ZNF442: variants seen among roughly 807,000 people sequenced by gnomAD.
The protein encoded by ZNF442 is zinc finger protein 442.
A neutral mutation model predicts 57.0 loss-of-function variants in ZNF442; 45 were observed. The ratio of observed to expected loss-of-function variants is 0.79; its 90% CI spans 0.62 to 1.01. ZNF442 has a LOEUF of 1.01. Among genes scored for constraint, ZNF442 ranks in the 50% least tolerant of loss-of-function variants. The pLI is 0.00. For synonymous variants in ZNF442, 213 were observed against 241.8 expected (o/e 0.88, Z 1.10); for missense variants, 690 against 756.5 (o/e 0.91, Z 1.03).
the ZNF442 span, among the ~76,000 whole-genome samples, chr19:12,373,061 C>G: frequency 6.6e-6 from 1 of 152,144 alleles, no homozygotes; most frequent in Non-Finnish European, 1.5e-5. Flanking sequence ...TGTCAGCCAC[C>G]GCACCCAGCC....
intron 3 of ZNF442, among the ~76,000 whole-genome samples, chr19:12,356,842 C>G (rs1969339266): frequency 6.6e-6 from 1 of 152,206 alleles, no homozygotes; most frequent in Non-Finnish European, 1.5e-5. Context: ...GAGAGCTGAT[C>G]TACACCTGCT....
At chr19:12,362,253 G>A (rs185002570) in intron 3 of ZNF442, among the ~76,000 whole-genome samples, 4 of 151,322 alleles carry the variant, frequency 2.6e-5, no homozygotes, top group Admixed American at 6.6e-5. Context: ...CTTCCTGGCC[G>A]TCATCCCGTC....
chr19:12,371,724 T>C, the ZNF442 span, among the ~76,000 whole-genome samples: 1 of 152,202 alleles, frequency 6.6e-6, no homozygotes. Context: ...TAAATGGTTA[T>C]GGTTTAACTG....
upstream of ZNF442, among the ~76,000 whole-genome samples, chr19:12,368,475 C>T (rs1275992023): frequency 2.0e-5 from 3 of 152,216 alleles, no homozygotes; most frequent in African/African-American, 7.2e-5. Flanking sequence ...GTGGCTTCAG[C>T]CGGTCCCTCC....
upstream of ZNF442, among the ~76,000 whole-genome samples, chr19:12,367,952 G>GCCAC (rs746822193): frequency 5.9e-5 from 9 of 152,156 alleles, no homozygotes; most frequent in South Asian, 2.1e-4. Context: ...ACAGGCATGA[G>GCCAC]CCACCACACC....
At chr19:12,355,435 C>T (rs1432239055) in intron 3 of ZNF442, among the ~76,000 whole-genome samples, 1 of 147,938 alleles carries the variant, frequency 6.8e-6, no homozygotes, top group Non-Finnish European at 1.5e-5. Context: ...GATCTCAGCT[C>T]ACCACAACCT....
rs148124900 is a variant in ZNF442 at position 12,351,432 on chromosome 19, A to G, written c.267-114T>C. 1.4e-5 allele frequency: 13 copies of G among 935,466 alleles called. No individual in the cohort carries two copies. The East Asian group carries it at 3.4e-4, about 25-fold the overall frequency. 57.9% of individuals were successfully genotyped at this position (935,466 alleles called of 1,614,324 possible). On this transcript the variant is annotated intron_variant, in intron 5 of 5. Transcript: ENST00000242804. ...ATCATGCAACGTGTAGGCTTCATGC[A>G]CTGCTTGAACGTGAATGGACTGAAT...
upstream of ZNF442, among the ~76,000 whole-genome samples, chr19:12,367,362 A>C (rs199865748): frequency 6.6e-6 from 1 of 152,180 alleles, no homozygotes; most frequent in East Asian, 1.9e-4. Context: ...CACATGCCTC[A>C]AAGGGCAATA....
In ZNF442 at chr19:12,350,274, T is replaced by C; in HGVS notation, c.1311A>G (p.Glu437=). ...HTGEKPYECK[E]CGKAFRISSS... ...TAGAAATACGGAAGGCTTTACCACA[T>C]TCTTTACATTCATAGGGTTTCTCAC... The change falls in exon 6 of 6, where the codon GAA becomes GAG. Residue 437 remains glutamate, a synonymous_variant. Coordinates refer to ENST00000242804, the MANE Select transcript of ZNF442 (RefSeq NM_030824.3). The C allele has an allele frequency of 1.2e-6, 2 of 1,613,714 alleles. No individual in the cohort carries two copies. Among genetic ancestry groups the C allele is most frequent in the South Asian group, 1.1e-5 (1 of 91,074 alleles).
chr19:12,369,837 CA>C (rs1969566951), upstream of ZNF442, among the ~76,000 whole-genome samples: 1 of 151,678 alleles, frequency 6.6e-6, no homozygotes, highest in Non-Finnish European at 1.5e-5. Context: ...ACCCAGGAGG[CA>C]GAAGTTGCAG....
At chr19:12,370,298 A>G (rs1012463544), upstream of ZNF442, among the ~76,000 whole-genome samples, 2 of 151,890 alleles carry the variant, frequency 1.3e-5, no homozygotes, top group Non-Finnish European at 2.9e-5. Flanking sequence ...CGCAGCTCAC[A>G]ATAGGGTTCG....
chr19:12,350,676 A>C lies in ZNF442; in HGVS notation c.909T>G (p.Ser303Arg), dbSNP rs774878972. ...YKCKRCGRAFSVSSSLRIHER... is the reference protein window; with the variant it reads ...YKCKRCGRAFRVSSSLRIHER... ...CATGTATTCGAAGGGAACTGGAAAC[A>C]CTGAAGGCTCTTCCACATCGTTTAC... is the stretch of plus-strand genomic sequence containing the variant. Residue 303 changes from serine to arginine, a missense_variant, in exon 6 of 6, where the codon AGT becomes AGG. Transcript: ENST00000242804. 11 of 1,613,848 alleles carry C rather than the reference A, an allele frequency of 6.8e-6. 1 individual carries two copies. In the South Asian group the frequency reaches 1.2e-4, roughly 18 times the overall value.
In ZNF442 at chr19:12,350,161, A is replaced by C. The variant is rs754518888; in HGVS notation, c.1424T>G (p.Phe475Cys). 20 of 1,613,840 alleles carry C rather than the reference A, an allele frequency of 1.2e-5. No individual in the cohort carries two copies. The East Asian group carries it at 3.8e-4, about 31-fold the overall frequency. ...CGKAFIDFYS[F>C]QNHETTHTGE... Reference sequence around the variant, plus strand: ...AGTGTGAGTTGTTTCATGATTTTGAAAGGAATAGAAATCAATAAAGGCTTT... The same window carrying C: ...AGTGTGAGTTGTTTCATGATTTTGACAGGAATAGAAATCAATAAAGGCTTT... The change falls in exon 6 of 6, where the codon TTT becomes TGT. Residue 475 changes from phenylalanine (F) to cysteine (C), a missense_variant. Phe to Cys is a radical substitution (Grantham distance 205). Transcript: ENST00000242804.
chr19:12,368,285 A>G (rs1969554216), upstream of ZNF442, among the ~76,000 whole-genome samples: 1 of 152,228 alleles, frequency 6.6e-6, no homozygotes, highest in South Asian at 2.1e-4. Context: ...TAAGAGATTA[A>G]AGTAAGACAG....
intron 3 of ZNF442, among the ~76,000 whole-genome samples, chr19:12,358,129 A>T (rs1568489245): frequency 8.6e-5 from 13 of 151,456 alleles, no homozygotes. Flanking sequence ...GCCTGGCTAA[A>T]TTTTTTTGCA....
At chr19:12,373,217 G>A in the ZNF442 span, among the ~76,000 whole-genome samples, 7 of 152,090 alleles carry the variant, frequency 4.6e-5, no homozygotes, top group Non-Finnish European at 1.0e-4. Flanking sequence ...ATTTCATCAG[G>A]AAACATAGAC....
chr19:12,364,112 C>T (rs1279885333), intron 2 of ZNF442, among the ~76,000 whole-genome samples: 2 of 152,078 alleles, frequency 1.3e-5, no homozygotes, highest in African/African-American at 4.8e-5. Context: ...GAACACAAAT[C>T]TTTTAAGAAG....
chr19:12,367,889 C>T (rs143999291), upstream of ZNF442, among the ~76,000 whole-genome samples: 749 of 152,164 alleles, frequency 4.9e-3, 16 homozygotes, highest in African/African-American at 0.017. Context: ...AGGATGGTCT[C>T]GATCTCCTGA....
At chr19:12,359,708 G>A (rs1568489772) in intron 3 of ZNF442, among the ~76,000 whole-genome samples, 1 of 152,084 alleles carries the variant, frequency 6.6e-6, no homozygotes, top group Non-Finnish European at 1.5e-5. Flanking sequence ...GGCCCGGCGT[G>A]GTTGCTCACA....
Sources: gnomAD v4.1 joint callset for allele counts (sites outside exome capture counted in the v4.1 genomes callset) on GRCh38, gnomAD v4.1.1 for gene constraint, MANE v1.5 for transcripts, NCBI Gene and HGNC (gene_info 2026-07-23, HGNC 2026-07-21) for gene names.